Variants in DACH1 observed in about 807,000 individuals in gnomAD.
The protein encoded by DACH1 is dachshund family transcription factor 1.
Under a neutral mutation model 54.2 loss-of-function variants are expected in DACH1, and 12 were observed. The observed-to-expected ratio is 0.22, with a 90% CI of 0.14 to 0.36. DACH1 has a LOEUF of 0.36. Among genes scored for constraint, DACH1 ranks in the 10% least tolerant of loss-of-function variants. The pLI is 1.00. For missense variants in DACH1, 805 were observed against 929.8 expected, an observed-to-expected ratio of 0.87 and a Z score of 1.75; for synonymous variants, 386 against 366.2, an observed-to-expected ratio of 1.05 and a Z score of -0.62.
intron 1 of DACH1, among the ~76,000 whole-genome samples, chr13:71,802,931 T>G (rs1196379259): frequency 6.6e-6 from 1 of 152,158 alleles, no homozygotes; most frequent in African/African-American, 2.4e-5. Context: ...TGTGTAGGTT[T>G]AAGCAAACAG....
chr13:71,639,455 A>G (rs1877735714), intron 2 of DACH1, among the ~76,000 whole-genome samples: 1 of 152,084 alleles, frequency 6.6e-6, no homozygotes, highest in African/African-American at 2.4e-5. Context: ...CACTCCCTAT[A>G]CCAGTTTTGA....
At chr13:71,534,076 A>G (rs1882595943) in intron 6 of DACH1, among the ~76,000 whole-genome samples, 1 of 152,092 alleles carries the variant, frequency 6.6e-6, no homozygotes, top group Non-Finnish European at 1.5e-5. Flanking sequence ...CAGCTTAGCT[A>G]CAAGAAGACA....
At chr13:71,641,589 A>G (rs1877902538) in intron 2 of DACH1, among the ~76,000 whole-genome samples, 2 of 152,152 alleles carry the variant, frequency 1.3e-5, no homozygotes, top group Non-Finnish European at 2.9e-5. Context: ...GATTATGGAA[A>G]AAAACAATCC....
intron 1 of DACH1, among the ~76,000 whole-genome samples, chr13:71,702,970 T>C (rs1370096757): frequency 3.9e-5 from 6 of 152,200 alleles, no homozygotes; most frequent in African/African-American, 1.4e-4. Flanking sequence ...TAACAACTTA[T>C]AGTCTAACAT....
chr13:71,795,731 G>A (rs971834985), intron 1 of DACH1, among the ~76,000 whole-genome samples: 6 of 152,042 alleles, frequency 3.9e-5, no homozygotes, highest in South Asian at 2.1e-4. Context: ...CTTGTATGAC[G>A]TATAACTTTG....
At chr13:71,490,337 C>T (rs891906500) in intron 6 of DACH1, among the ~76,000 whole-genome samples, 1 of 152,184 alleles carries the variant, frequency 6.6e-6, no homozygotes, top group Non-Finnish European at 1.5e-5. Flanking sequence ...GAAGCTGCCA[C>T]ACTTCCCTGT....
At chr13:71,761,108 C>T (rs1304845468) in intron 1 of DACH1, among the ~76,000 whole-genome samples, 4 of 151,690 alleles carry the variant, frequency 2.6e-5, no homozygotes, top group Non-Finnish European at 4.4e-5. Context: ...AAAAAAAAAG[C>T]TTGAATTGAA....
At chr13:71,622,304 C>T (rs1378853535) in intron 3 of DACH1, among the ~76,000 whole-genome samples, 1 of 151,782 alleles carries the variant, frequency 6.6e-6, no homozygotes, top group Non-Finnish European at 1.5e-5. Context: ...TGCACACATT[C>T]AAAACAATAT....
chr13:71,774,053 T>G (rs528985159), intron 1 of DACH1, among the ~76,000 whole-genome samples: 18 of 151,874 alleles, frequency 1.2e-4, no homozygotes, highest in Admixed American at 1.1e-3. Flanking sequence ...ATGTTTTTAA[T>G]AAACAAATTT....
Position 71,748,844 on chromosome 13 carries a change from CTCTTTCTTTCTTTCTTTCTT to C in DACH1, c.849-66954_849-66935del, listed in dbSNP as rs201889116. 1.1e-3 allele frequency among the ~76,000 whole-genome samples: 140 copies of C among 131,210 alleles called. 2 individuals are homozygous for C. Among genetic ancestry groups the C allele is most frequent in the East Asian group, 4.0e-3 (15 of 3,772 alleles). 86.1% of individuals were successfully genotyped at this position (131,210 alleles called of 152,430 possible). A position where few individuals can be genotyped will look rare whatever the true frequency, so the allele number is the denominator to read the frequency against. Reference sequence around the variant, plus strand: ...ACCTGAAATATAAAAAATATTTTTTCTCTTTCTTTCTTTCTTTCTTTCTTTCTTTCTTTCTTTCTTTCTTT... The same window carrying C: ...ACCTGAAATATAAAAAATATTTTTTCTCTTTCTTTCTTTCTTTCTTTCTTT... On this transcript the variant is annotated intron_variant, in intron 1 of 10. Transcript: ENST00000613252.
At chr13:71,728,459 T>C (rs1883581090) in intron 1 of DACH1, among the ~76,000 whole-genome samples, 1 of 151,950 alleles carries the variant, frequency 6.6e-6, no homozygotes, top group Admixed American at 6.6e-5. Flanking sequence ...ACTAGCATAA[T>C]CATAAATATT....
intron 1 of DACH1, among the ~76,000 whole-genome samples, chr13:71,727,565 G>A (rs935083996): frequency 2.0e-5 from 3 of 152,036 alleles, no homozygotes; most frequent in Admixed American, 6.6e-5. Context: ...TATGTACAAA[G>A]ATGTAGGTTA....
rs540730866 is a variant in DACH1 at position 71,654,389 on chromosome 13, CAAAATAAAATAAAATAAAAT to C, written c.965-23692_965-23673del. Reference sequence around the variant, plus strand: ...TGGGCGACAGAGTGAGACTCTGTCTCAAAATAAAATAAAATAAAATAAAATAAAATAAAATAAAATAAAAT... The same window carrying C: ...TGGGCGACAGAGTGAGACTCTGTCTCAAAATAAAATAAAATAAAATAAAAT... On this transcript the variant is annotated intron_variant, in intron 2 of 10. Coordinates refer to ENST00000613252, the MANE Select transcript of DACH1 (RefSeq NM_080759.6). Among the ~76,000 whole-genome samples, 156 of 60,386 alleles carry C rather than the reference CAAAATAAAATAAAATAAAAT, an allele frequency of 2.6e-3. 3 individuals are homozygous for C. Among genetic ancestry groups the C allele is most frequent in the African/African-American group, 7.7e-3 (122 of 15,936 alleles). 39.6% of individuals were successfully genotyped at this position (60,386 alleles called of 152,430 possible).
Position 71,559,877 on chromosome 13 carries a change from G to A in DACH1, c.1378C>T (p.Arg460Cys), listed in dbSNP as rs1360283264. 3.1e-6 allele frequency: 5 copies of A among 1,612,990 alleles called. No homozygotes were observed. The highest frequency in any genetic ancestry group is 1.7e-5 in the Admixed American group (1 of 59,914). The change falls in exon 5 of 11, where the codon CGC (arginine) becomes TGC (cysteine). Residue 460 changes from arginine to cysteine, a missense_variant. Physicochemically the swap from Arg to Cys is radical, Grantham distance 180. This residue lies in a region of DACH1 where 472 missense variants were observed against 545.3 expected (regional missense o/e 0.87). Transcript: ENST00000613252. ...RRPGSHPSSH[R>C]SSSVSSSPAR... ...GGGGAGCTGGACACGCTGCTGCTGC[G>A]ATGTGATGATGGGTGACTGCCAGGC...
Position 71,460,440 on chromosome 13 carries a change from C to T in DACH1, c.2083+14701G>A, listed in dbSNP as rs117767438. ...AAACTAAGCTAAATACTATTCCCAG[C>T]TCTTGATCAAAATGAGATTTGTTCT... On this transcript the variant is annotated intron_variant, in intron 10 of 10. Transcript: ENST00000613252. Among the ~76,000 whole-genome samples, 1,017 of 152,114 alleles carry T rather than the reference C, an allele frequency of 6.7e-3. 6 individuals carry two copies. The highest frequency in any genetic ancestry group is 0.011 in the Non-Finnish European group (776 of 67,962).
At chr13:71,794,076 G>T (rs1013001606) in intron 1 of DACH1, among the ~76,000 whole-genome samples, 1 of 149,950 alleles carries the variant, frequency 6.7e-6, no homozygotes, top group Non-Finnish European at 1.5e-5. Context: ...TAAAAAAAAA[G>T]GTATAAAGTA....
intron 6 of DACH1, among the ~76,000 whole-genome samples, chr13:71,536,353 C>T (rs375376394): frequency 2.0e-5 from 3 of 152,006 alleles, no homozygotes; most frequent in African/African-American, 7.2e-5. Flanking sequence ...AAGTGTTAGT[C>T]TATGGAATGC....
At chr13:71,756,371 C>T (rs1473832232) in intron 1 of DACH1, among the ~76,000 whole-genome samples, 1 of 151,942 alleles carries the variant, frequency 6.6e-6, no homozygotes. Context: ...TACTTAGACC[C>T]CATCTACCAG....
chr13:71,827,025 T>G (rs949868309), intron 1 of DACH1, among the ~76,000 whole-genome samples: 2 of 152,048 alleles, frequency 1.3e-5, no homozygotes, highest in Admixed American at 6.6e-5. Flanking sequence ...AGAGTGGGAG[T>G]ATTATTATTA....
Sources: allele counts gnomAD v4.1 joint callset (sites outside exome capture counted in the v4.1 genomes callset), GRCh38; gene constraint gnomAD v4.1.1; regional missense constraint gnomAD v4.1.1; transcripts MANE v1.5; gene names NCBI Gene and HGNC (gene_info 2026-07-23, HGNC 2026-07-21).